Variants in FNIP2 observed in about 807,000 individuals in gnomAD.
The protein encoded by FNIP2 is folliculin interacting protein 2.
A neutral mutation model predicts 108.7 loss-of-function variants in FNIP2; 32 were observed. That is an observed-to-expected ratio of 0.29 (90% CI 0.22 to 0.40). The LOEUF is 0.40. Ranked by LOEUF, FNIP2 falls within the 10% of genes least tolerant of loss-of-function variation. FNIP2 has a pLI of 1.00. For synonymous variants in FNIP2, 480 were observed against 496.7 expected (o/e 0.97, Z 0.45); for missense variants, 1,202 against 1,381.6 (o/e 0.87, Z 2.06).
chr4:158,870,249 A>G lies in FNIP2; in HGVS notation c.2793-64A>G, dbSNP rs1780859954. The G allele has an allele frequency of 3.2e-6, 5 of 1,560,780 alleles. No homozygotes were observed. The Admixed American group carries it at 5.2e-5, about 16-fold the overall frequency. On this transcript the variant is annotated intron_variant, in intron 13 of 16. Transcript: ENST00000264433. ...CTGTATCATTGGAGTGCTTGTACCA[A>G]TTATAATGAAAGAAAAAAGTACATT...
rs577026634 is a variant in FNIP2, at chr4:158,869,199, C to T, written c.2563C>T (p.Pro855Ser). 23 of 1,613,908 alleles carry T rather than the reference C, an allele frequency of 1.4e-5. No homozygotes were observed. The highest frequency in any genetic ancestry group is 6.7e-5 in the Admixed American group (4 of 60,010). The change falls in exon 13 of 17, where the codon CCC becomes TCC. Residue 855 changes from proline (P) to serine (S), a missense_variant. Physicochemically the swap from Pro to Ser is moderately conservative, Grantham distance 74 (BLOSUM62 -1). Coordinates refer to ENST00000264433, the MANE Select transcript of FNIP2 (RefSeq NM_020840.3). Reference sequence around the variant, plus strand: ...AGGACCTGTGCTGGAGCCTGTTGCCCCCAGGTGTGTCCAGCGGGGCCCTGG... The same window carrying T: ...AGGACCTGTGCTGGAGCCTGTTGCCTCCAGGTGTGTCCAGCGGGGCCCTGG... Reference protein sequence around the residue: ...AEGPVLEPVAPRCVQRGPGLV... With the variant: ...AEGPVLEPVASRCVQRGPGLV...
chr4:158,798,859 A>G (rs549922249), intron 1 of FNIP2, among the ~76,000 whole-genome samples: 2 of 152,372 alleles, frequency 1.3e-5, no homozygotes, highest in African/African-American at 2.4e-5. Context: ...ATGTATTTGT[A>G]TGATGCCATT....
intron 2 of FNIP2, 137 bp downstream of exon 2, chr4:158,826,179 A>T: frequency 8.1e-7 from 1 of 1,236,898 alleles, no homozygotes; most frequent in Non-Finnish European, 1.1e-6. Flanking sequence ...AACATAAGCA[A>T]GCATTGAATC....
intron 7 of FNIP2, among the ~76,000 whole-genome samples, chr4:158,838,694 G>T (rs777226484): frequency 2.6e-4 from 40 of 152,060 alleles, no homozygotes; most frequent in Middle Eastern, 6.3e-3. Flanking sequence ...TATTAGTATG[G>T]TATATTTGTT....
chr4:158,853,540 C>T (rs1379118170), intron 8 of FNIP2, among the ~76,000 whole-genome samples: 6 of 152,290 alleles, frequency 3.9e-5, no homozygotes, highest in African/African-American at 1.2e-4. Context: ...CCCTACCCCA[C>T]GACAGGCGCC....
intron 1 of FNIP2, among the ~76,000 whole-genome samples, chr4:158,773,246 G>A (rs1416892743): frequency 6.6e-6 from 1 of 152,088 alleles, no homozygotes; most frequent in East Asian, 1.9e-4. Flanking sequence ...TGCTGCCTTG[G>A]ATCTATTGGC....
chr4:158,862,495 G>A (rs1780352577), intron 12 of FNIP2, among the ~76,000 whole-genome samples: 1 of 152,190 alleles, frequency 6.6e-6, no homozygotes, highest in Admixed American at 6.5e-5. Flanking sequence ...TATTTAAATG[G>A]AATTAAGGAA....
intron 5 of FNIP2, among the ~76,000 whole-genome samples, chr4:158,832,629 A>G (rs1301274450): frequency 2.6e-5 from 4 of 152,314 alleles, no homozygotes; most frequent in African/African-American, 9.6e-5. Flanking sequence ...GTCAAGTAAA[A>G]GCTGTTTTTT....
chr4:158,769,310 C>G lies in FNIP2; in HGVS notation c.98C>G (p.Pro33Arg). 6.6e-7 allele frequency: 1 copy of G among 1,511,446 alleles called. No homozygotes were observed. The highest frequency in any genetic ancestry group is 1.2e-5 in the South Asian group (1 of 81,310). The allele number at this position is 1,511,446 out of a possible 1,614,324, so 93.6% of individuals were successfully genotyped here. A position where few individuals can be genotyped will look rare whatever the true frequency, so the allele number is the denominator to read the frequency against. ...SAQGRAPKEG[P>R]AFSWSCSEFD... Reference sequence around the variant, plus strand: ...CAGGGCAGGGCTCCTAAGGAAGGACCCGCCTTTAGGTGAGGGGGCGCCGGG... The same window carrying G: ...CAGGGCAGGGCTCCTAAGGAAGGACGCGCCTTTAGGTGAGGGGGCGCCGGG... The change falls in exon 1 of 17, where the codon CCC (proline) becomes CGC (arginine). Residue 33 changes from proline to arginine, a missense_variant. By Grantham distance (103) the Pro-to-Arg change is moderately radical (BLOSUM62 -2). Transcript: ENST00000264433.
chr4:158,870,729 GGGC>G (rs1313168726), intron 14 of FNIP2, among the ~76,000 whole-genome samples: 1 of 152,226 alleles, frequency 6.6e-6, no homozygotes, highest in East Asian at 1.9e-4. Context: ...CCAGGACGAG[GGGC>G]GGCCTGGCTG....
intron 7 of FNIP2, among the ~76,000 whole-genome samples, chr4:158,836,811 C>CAAAA (rs34469888): frequency 1.0e-4 from 4 of 39,564 alleles, no homozygotes; most frequent in Non-Finnish European, 4.7e-5. Flanking sequence ...GACTCCGTCT[C>CAAAA]AAAAAAAAAA....
chr4:158,868,438 G>A lies in FNIP2; in HGVS notation c.1802G>A (p.Cys601Tyr), dbSNP rs749362744. 3 of 1,613,968 alleles carry A rather than the reference G, an allele frequency of 1.9e-6. No individual in the cohort carries two copies. The Admixed American group carries it at 5.0e-5, about 27-fold the overall frequency. The change falls in exon 13 of 17, where the codon TGC becomes TAC. Residue 601 changes from cysteine (C) to tyrosine (Y), a missense_variant. This residue lies in a region of FNIP2 where 878 missense variants were observed against 990.3 expected (regional missense o/e 0.89). Coordinates refer to ENST00000264433, the MANE Select transcript of FNIP2 (RefSeq NM_020840.3). This position sits in a 1 kb window ranked among gnomAD's most constrained non-coding sequence, Gnocchi z 4.6. ...HNPWPTGFPE[C>Y]PEGTDSRDLG... ...CCCTGGCCGACAGGGTTTCCTGAGT[G>A]CCCAGAGGGCACTGACAGTAGAGAC...
intron 7 of FNIP2, among the ~76,000 whole-genome samples, chr4:158,844,155 C>T (rs1181784677): frequency 1.3e-5 from 2 of 152,208 alleles, no homozygotes; most frequent in African/African-American, 4.8e-5. Flanking sequence ...TGTTCTTCTT[C>T]TCCCTCAGAG....
intron 7 of FNIP2, among the ~76,000 whole-genome samples, chr4:158,837,037 A>G (rs1778852488): frequency 6.6e-6 from 1 of 152,152 alleles, no homozygotes; most frequent in Admixed American, 6.5e-5. Context: ...GACAATAAGC[A>G]TGTGTTTACA....
At chr4:158,802,340 T>TC (rs1198867359) in intron 1 of FNIP2, among the ~76,000 whole-genome samples, 3 of 152,168 alleles carry the variant, frequency 2.0e-5, no homozygotes, top group African/African-American at 4.8e-5. Context: ...CTCCTTTTTT[T>TC]CTCATTAATG....
At chr4:158,882,194 G>T (rs1162293825) in intron 14 of FNIP2, among the ~76,000 whole-genome samples, 85 of 149,714 alleles carry the variant, frequency 5.7e-4, no homozygotes, top group African/African-American at 2.1e-3. Context: ...CCCAGCAGCC[G>T]CCCCGTCTGA....
At position 158,907,648 on chromosome 4, in the gene FNIP2, T is replaced by C. The variant is rs1482944512; in HGVS notation, c.*3104T>C. 2 of 152,244 alleles carry C rather than the reference T, an allele frequency of 1.3e-5. No individual in the cohort carries two copies. The highest frequency in any genetic ancestry group is 4.8e-5 in the African/African-American group (2 of 41,476). 9.4% of individuals were successfully genotyped at this position (152,244 alleles called of 1,614,324 possible). A position where few individuals can be genotyped will look rare whatever the true frequency, so the allele number is the denominator to read the frequency against. On this transcript the variant is annotated 3_prime_UTR_variant, in exon 17 of 17. Coordinates refer to ENST00000264433, the MANE Select transcript of FNIP2 (RefSeq NM_020840.3). ...TGTACTTTAGAGAATATTTTGTTCA[T>C]GCATACTTCCACGTTAAATTGAAAA...
intron 16 of FNIP2, among the ~76,000 whole-genome samples, chr4:158,901,278 G>A (rs547944305): frequency 6.6e-5 from 10 of 152,032 alleles, no homozygotes; most frequent in South Asian, 6.2e-4. Context: ...GATTACAGGC[G>A]TGTGCCACGA....
chr4:158,787,090 C>T (rs1263737480), intron 1 of FNIP2, among the ~76,000 whole-genome samples: 1 of 151,984 alleles, frequency 6.6e-6, no homozygotes, highest in East Asian at 1.9e-4. Flanking sequence ...AGGGGAGGAA[C>T]TTGGATTTAG....
Sources: gnomAD v4.1 joint callset for allele counts (sites outside exome capture counted in the v4.1 genomes callset) on GRCh38, gnomAD v4.1.1 for gene constraint, gnomAD v4.1.1 regional missense constraint, Gnocchi (gnomAD v3.1) non-coding constraint, MANE v1.5 for transcripts, NCBI Gene and HGNC (gene_info 2026-07-23, HGNC 2026-07-21) for gene names.